EIF2D: variants seen among roughly 807,000 people sequenced by gnomAD.
The protein encoded by EIF2D is eukaryotic translation initiation factor 2D.
EIF2D carries 56 observed loss-of-function variants against 77.4 expected under a neutral mutation model. That is an observed-to-expected ratio of 0.72 (90% confidence interval 0.58 to 0.90). The LOEUF (loss-of-function observed/expected upper bound fraction) is 0.90. EIF2D is among the 40% of genes least tolerant of loss of function. EIF2D has a pLI of 0.00. For synonymous variants in EIF2D, 230 were observed against 271.0 expected, an observed-to-expected ratio of 0.85 and a Z score of 1.49; for missense variants, 574 against 706.5, an observed-to-expected ratio of 0.81 and a Z score of 2.13.
rs1269663847 is a variant in EIF2D, at chr1:206,600,380, G to C, written c.903-72C>G. Reference sequence around the variant, plus strand: ...TGGGACCTGCCTGACACTGAGAGGAGGGCCTTTTTCCTCAGCCTTCCTCCC... The same window carrying C: ...TGGGACCTGCCTGACACTGAGAGGACGGCCTTTTTCCTCAGCCTTCCTCCC... On this transcript the variant is annotated intron_variant, in intron 7 of 14. Transcript: ENST00000271764. 2.8e-5 allele frequency: 40 copies of C among 1,444,630 alleles called. No individual in the cohort carries two copies. In the East Asian group the frequency reaches 9.1e-4, roughly 33 times the overall value. 89.5% of individuals were successfully genotyped at this position (1,444,630 alleles called of 1,614,324 possible).
intron 13 of EIF2D, 178 bp downstream of exon 13, chr1:206,595,540 G>T (rs782650709): frequency 1.0e-5 from 6 of 577,372 alleles, no homozygotes; most frequent in Non-Finnish European, 1.4e-5. Context: ...GAGTGAGCGG[G>T]GTCAGCTTTA....
At chr1:206,595,955 G>A (rs2102279757) in intron 12 of EIF2D, 117 bp from the exon 13 acceptor site, 2 of 1,400,700 alleles carry the variant, frequency 1.4e-6, no homozygotes, top group East Asian at 2.3e-5. Flanking sequence ...AACCTTGGCT[G>A]CACATTAGAA....
In EIF2D at chr1:206,603,164, G is replaced by A. The variant is rs1327979887; in HGVS notation, c.571C>T (p.Leu191=). The A allele has an allele frequency of 6.2e-7, 1 of 1,614,056 alleles. No individual in the cohort carries two copies. The highest frequency in any genetic ancestry group is 8.5e-7 in the Non-Finnish European group (1 of 1,180,042). The part of the protein sequence containing the change: ...NKSSPPSIAP[L]ALDSADLSEE... ...CTGAGATCTGCTGAATCCAGGGCCA[G>A]TGGAGCAATGGAAGGTGGAGAGGAC... The change falls in exon 6 of 15, where the codon CTG becomes TTG. Residue 191 remains leucine, a synonymous_variant. Coordinates refer to ENST00000271764, the MANE Select transcript of EIF2D (RefSeq NM_006893.3).
chr1:206,594,972 C>T (rs2102277965), intron 13 of EIF2D: 1 of 152,270 alleles, frequency 6.6e-6, no homozygotes, highest in Admixed American at 6.5e-5. Flanking sequence ...ATTCTAAGTG[C>T]TTCAGCCATG....
rs377109658 is a variant in EIF2D at position 206,611,338 on chromosome 1, G to A, written c.93C>T (p.Pro31=). The A allele has an allele frequency of 2.5e-6, 4 of 1,613,942 alleles. No individual in the cohort carries two copies. Among genetic ancestry groups the A allele is most frequent in the African/African-American group, 2.7e-5 (2 of 74,924 alleles). ...CAGAGACTTGATCAGTTCCAAGGGT[G>A]GGGAAAGCAGTTGTCACATCAGCTC... ...KLRADVTTAF[P]TLGTDQVSEL... Residue 31 remains proline, a synonymous_variant, in exon 2 of 15, where the codon CCC becomes CCT. Coordinates refer to ENST00000271764, the MANE Select transcript of EIF2D (RefSeq NM_006893.3).
chr1:206,604,732 C>CA (rs11393350), intron 5 of EIF2D: 38,900 of 102,100 alleles, frequency 0.38, 6,906 homozygotes, highest in Non-Finnish European at 0.44. Context: ...GACTCCATCT[C>CA]AAAAAAAAAA....
rs184452806 is a variant in EIF2D, at chr1:206,584,211, C to T, written c.139-3049G>A. ...GTAGCTGGATCCTGAGGGTCTTCTC[C>T]CAGCCCACTATGGGGAAAGGGATCT... On this transcript the variant is annotated intron_variant and NMD_transcript_variant, in intron 2 of 5. Transcript: ENST00000472709. The surrounding 1 kb of genome is among the most constrained non-coding windows in gnomAD (Gnocchi z 4.9). Among the ~76,000 whole-genome samples the T allele has an allele frequency of 6.6e-4, 100 of 152,326 alleles. No homozygotes were observed. Among genetic ancestry groups the T allele is most frequent in the Non-Finnish European group, 1.2e-3 (79 of 68,028 alleles).
At chr1:206,600,208 A>T in intron 8 of EIF2D, 55 bp downstream of exon 8, 2 of 1,556,832 alleles carry the variant, frequency 1.3e-6, no homozygotes, top group Non-Finnish European at 1.8e-6. Flanking sequence ...GGCTTATGTC[A>T]TATGTGCCCC....
Position 206,612,384 on chromosome 1 carries a change from G to C in EIF2D, c.-42C>G. On this transcript the variant is annotated 5_prime_UTR_variant, in exon 1 of 15. Transcript: ENST00000271764. Reference sequence around the variant, plus strand: ...TGGGGAAGAGAGCACAGAAGCCAGGGAATGTCAAGAAAGCGAGGGCGCAGC... The same window carrying C: ...TGGGGAAGAGAGCACAGAAGCCAGGCAATGTCAAGAAAGCGAGGGCGCAGC... The C allele has an allele frequency of 6.2e-7, 1 of 1,613,548 alleles. No homozygotes were observed. Among genetic ancestry groups the C allele is most frequent in the Non-Finnish European group, 8.5e-7 (1 of 1,179,434 alleles).
At chr1:206,591,902 C>T (rs1669354602) in intron 14 of EIF2D, 57 bp from the exon 15 acceptor site, 2 of 1,570,628 alleles carry the variant, frequency 1.3e-6, no homozygotes. Context: ...CCCCGGCTGG[C>T]CCTCCACCAG....
At position 206,584,882 on chromosome 1, in the gene EIF2D, TCAGGAAAACCA is replaced by T; in HGVS notation, c.139-3731_139-3721del. Reference sequence around the variant, plus strand: ...AGAGTCCCTGACTCTGCATGTGACTTCAGGAAAACCACACCCTAGGCTCCCATTTCCTGATC... The same window carrying T: ...AGAGTCCCTGACTCTGCATGTGACTTCACCCTAGGCTCCCATTTCCTGATC... On this transcript the variant is annotated intron_variant and NMD_transcript_variant, in intron 2 of 5. Coordinates refer to the EIF2D transcript ENST00000472709. This position sits in a 1 kb window ranked among gnomAD's most constrained non-coding sequence, Gnocchi z 4.9. 1.6e-6 allele frequency: 1 copy of T among 630,800 alleles called. No homozygotes were observed. Among genetic ancestry groups the T allele is most frequent in the Non-Finnish European group, 2.7e-6 (1 of 363,774 alleles). 39.1% of individuals were successfully genotyped at this position (630,800 alleles called of 1,614,324 possible). A position where few individuals can be genotyped will look rare whatever the true frequency, so the allele number is the denominator to read the frequency against.
At chr1:206,612,220 A>G (rs782037474) in intron 1 of EIF2D, 67 bp downstream of exon 1, 12 of 1,596,764 alleles carry the variant, frequency 7.5e-6, no homozygotes, top group Non-Finnish European at 1.0e-5. Flanking sequence ...AGCGAGGGCT[A>G]TGGGCCAGCG....
chr1:206,603,127 C>A lies in EIF2D; in HGVS notation c.608G>T (p.Gly203Val). 3 of 1,614,096 alleles carry A rather than the reference C, an allele frequency of 1.9e-6. No individual in the cohort carries two copies. Among genetic ancestry groups the A allele is most frequent in the South Asian group, 1.1e-5 (1 of 91,068 alleles). Reference sequence around the variant, plus strand: ...CAGGGTGGAGTCCATCTGGACAGACCCCTTCTCTTCACTGAGATCTGCTGA... The same window carrying A: ...CAGGGTGGAGTCCATCTGGACAGACACCTTCTCTTCACTGAGATCTGCTGA... ...LDSADLSEEK[G>V]SVQMDSTLQG... is the part of the protein sequence containing the mutation. The change falls in exon 6 of 15, where the codon GGG (glycine) becomes GTG (valine). Residue 203 changes from glycine (G) to valine (V), a missense_variant. Transcript: ENST00000271764.
rs1473464310 is a variant in EIF2D, at chr1:206,591,848, A to G, written c.1685-3T>C. The G allele has an allele frequency of 4.3e-6, 7 of 1,613,980 alleles. No individual in the cohort carries two copies. The highest frequency in any genetic ancestry group is 5.9e-6 in the Non-Finnish European group (7 of 1,180,016). On this transcript the variant is annotated splice_polypyrimidine_tract_variant and splice_region_variant and intron_variant, in intron 14 of 14. Transcript: ENST00000271764. The stretch of plus-strand genomic sequence containing the variant: ...TTTTCGAGGGAGCTGATACTCTTCT[A>G]CAATCCAAAAAGCACACACTCCTCA...
rs188711269 is a variant in EIF2D at position 206,572,783 on chromosome 1, C to T, written c.*255-84G>A. Reference sequence around the variant, plus strand: ...GATATTGATGTATTTGTCTTTATACCGATGCAATCATAGAATATAATTTTC... The same window carrying T: ...GATATTGATGTATTTGTCTTTATACTGATGCAATCATAGAATATAATTTTC... On this transcript the variant is annotated intron_variant and NMD_transcript_variant, in intron 4 of 5. Coordinates refer to the EIF2D transcript ENST00000472709. 48 of 151,630 alleles carry T rather than the reference C, an allele frequency of 3.2e-4. No homozygotes were observed. The East Asian group carries it at 7.2e-3, about 23-fold the overall frequency. The allele number at this position is 151,630 out of a possible 1,614,324, so 9.4% of individuals were successfully genotyped here.
chr1:206,570,113 C>T (rs1311214859), downstream of EIF2D, among the ~76,000 whole-genome samples: 1 of 121,094 alleles, frequency 8.3e-6, no homozygotes, highest in Non-Finnish European at 1.6e-5. Flanking sequence ...TTCCCCAAGA[C>T]AGAGTCTCAA....
Position 206,602,455 on chromosome 1 carries a change from T to C in EIF2D, c.785-2A>G. 6.2e-7 allele frequency: 1 copy of C among 1,613,728 alleles called. No homozygotes were observed. Among genetic ancestry groups the C allele is most frequent in the South Asian group, 1.1e-5 (1 of 91,078 alleles). On this transcript the variant is annotated splice_acceptor_variant, in intron 6 of 14. Transcript: ENST00000271764. LOFTEE classifies it high-confidence loss of function. ...GCTGTAACAGCTCATCCATTTGTTCTGCAGGGAAAAGACAAGAGCCACATC... is the reference window on the plus strand; with the variant it reads ...GCTGTAACAGCTCATCCATTTGTTCCGCAGGGAAAAGACAAGAGCCACATC...
At chr1:206,611,103 G>A in intron 2 of EIF2D, 81 bp downstream of exon 2, 1 of 1,339,450 alleles carries the variant, frequency 7.5e-7, no homozygotes, top group South Asian at 1.4e-5. Context: ...TTTTATGGGA[G>A]ACAATGGAAG....
intron 14 of EIF2D, 42 bp downstream of exon 14, chr1:206,593,577 T>C: frequency 6.5e-7 from 1 of 1,536,582 alleles, no homozygotes; most frequent in Non-Finnish European, 8.8e-7. Flanking sequence ...AGGTCTTTGC[T>C]GAGCTAGACC....
Sources: allele counts gnomAD v4.1 joint callset (sites outside exome capture counted in the v4.1 genomes callset), GRCh38; gene constraint gnomAD v4.1.1; non-coding constraint Gnocchi (gnomAD v3.1); transcripts MANE v1.5; gene names NCBI Gene and HGNC (gene_info 2026-07-23, HGNC 2026-07-21).